The following CALD1 variants were observed in gnomAD, a reference collection of about 807,000 sequenced individuals.
CALD1 encodes caldesmon.
CALD1 carries 33 observed loss-of-function variants against 99.9 expected under a neutral mutation model. The observed-to-expected ratio is 0.33, with a 90% confidence interval of 0.25 to 0.44. The LOEUF is 0.44. Ranked by LOEUF, CALD1 falls within the 20% of genes least tolerant of loss-of-function variation. The probability of loss-of-function intolerance (pLI) is 1.00; values close to 1 mark genes in which losing one functional copy is unlikely to be tolerated. For synonymous variants in CALD1, 310 were observed against 325.0 expected, an observed-to-expected ratio of 0.95 and a Z score of 0.50; for missense variants, 861 against 962.1, an observed-to-expected ratio of 0.89 and a Z score of 1.39.
chr7:134,800,967 T>C (rs1797920659), intron 1 of CALD1, among the ~76,000 whole-genome samples: 1 of 152,058 alleles, frequency 6.6e-6, no homozygotes, highest in South Asian at 2.1e-4. Flanking sequence ...CATAGGAGCA[T>C]ATTATTTGAA....
Position 134,960,021 on chromosome 7 carries a change from T to C in CALD1, c.2109T>C (p.Pro703=). 6.2e-7 allele frequency: 1 copy of C among 1,614,208 alleles called. No individual in the cohort carries two copies. The highest frequency in any genetic ancestry group is 1.6e-4 in the Middle Eastern group (1 of 6,062). The part of the protein sequence containing the change: ...KPTKPAASDL[P]VPAEGVRNIK... ...CAAAGCCGGCAGCCTCGGATCTTCCTGTTCCTGCTGAAGGTGTACGCAACA... is the reference window on the plus strand; with the variant it reads ...CAAAGCCGGCAGCCTCGGATCTTCCCGTTCCTGCTGAAGGTGTACGCAACA... The change falls in exon 12 of 15, where the codon CCT becomes CCC. Residue 703 remains proline (P), a synonymous_variant. Transcript: ENST00000361675.
chr7:134,949,739 T>C (rs1807186449), intron 8 of CALD1, among the ~76,000 whole-genome samples: 2 of 152,166 alleles, frequency 1.3e-5, no homozygotes, highest in Admixed American at 6.5e-5. Flanking sequence ...TCATTGTTAA[T>C]GACCCACAGG....
intron 1 of CALD1, among the ~76,000 whole-genome samples, chr7:134,813,082 TATTA>T (rs777815553): frequency 6.6e-6 from 1 of 152,196 alleles, no homozygotes; most frequent in African/African-American, 2.4e-5. Context: ...AACGCTCATG[TATTA>T]ATTAAGATGA....
intron 1 of CALD1, among the ~76,000 whole-genome samples, chr7:134,790,319 G>A (rs1463640319): frequency 6.6e-6 from 1 of 152,100 alleles, no homozygotes; most frequent in African/African-American, 2.4e-5. Flanking sequence ...TATGTGACAG[G>A]CACTGTTCTG....
chr7:134,753,452 G>A (rs1022824629), intron 1 of CALD1, among the ~76,000 whole-genome samples: 1 of 152,212 alleles, frequency 6.6e-6, no homozygotes, highest in African/African-American at 2.4e-5. Flanking sequence ...CCAGGGCAAT[G>A]CATCTGAGTC....
intron 3 of CALD1, among the ~76,000 whole-genome samples, chr7:134,909,695 A>T (rs1033738560): frequency 6.6e-6 from 1 of 152,182 alleles, no homozygotes; most frequent in Non-Finnish European, 1.5e-5. Flanking sequence ...CAGTCTCAAA[A>T]AAAAAGGAAC....
chr7:134,742,590 G>A (rs941528970), upstream of CALD1, among the ~76,000 whole-genome samples: 1 of 152,200 alleles, frequency 6.6e-6, no homozygotes, highest in Non-Finnish European at 1.5e-5. Context: ...CCCCAGGGCT[G>A]GAAGGTGAAG....
At chr7:134,747,745 C>T (rs1228758173) in intron 1 of CALD1, among the ~76,000 whole-genome samples, 5 of 152,232 alleles carry the variant, frequency 3.3e-5, no homozygotes, top group Admixed American at 6.5e-5. Flanking sequence ...GGGGGCATGG[C>T]TGCCTCTACC....
At position 134,862,630 on chromosome 7, in the gene CALD1, A is replaced by C. The variant is rs180780703; in HGVS notation, c.-41-5063A>C. Among the ~76,000 whole-genome samples the C allele has an allele frequency of 5.4e-3, 823 of 152,314 alleles. 5 individuals are homozygous for C. The highest frequency in any genetic ancestry group is 8.7e-3 in the Non-Finnish European group (595 of 68,020). ...TTTTAGGGCAGTGAAGCTATTCTGT[A>C]TGATGCTACTATGGTGAATACATGA... On this transcript the variant is annotated intron_variant, in intron 2 of 14. Transcript: ENST00000361675.
At chr7:134,749,475 T>G (rs1227945115) in intron 1 of CALD1, among the ~76,000 whole-genome samples, 1 of 152,242 alleles carries the variant, frequency 6.6e-6, no homozygotes, top group East Asian at 1.9e-4. Context: ...CAAAATTAGC[T>G]GGGCATGATG....
chr7:134,728,709 T>G, the CALD1 span, among the ~76,000 whole-genome samples: 1 of 152,190 alleles, frequency 6.6e-6, no homozygotes, highest in Non-Finnish European at 1.5e-5. Context: ...AACAGCTGCA[T>G]TTGGGATGGA....
intron 1 of CALD1, among the ~76,000 whole-genome samples, chr7:134,769,779 A>G (rs1431863228): frequency 6.6e-6 from 1 of 152,174 alleles, no homozygotes; most frequent in Non-Finnish European, 1.5e-5. Flanking sequence ...CTGGGATTAC[A>G]GGCATGCGCC....
the CALD1 span, among the ~76,000 whole-genome samples, chr7:134,711,660 C>CTCTCTCTCTATATATATATATATA: frequency 2.6e-5 from 2 of 78,348 alleles, no homozygotes; most frequent in African/African-American, 1.2e-4. Flanking sequence ...CTCTCTCTCT[C>CTCTCTCTCTATATATATATATATA]TATATATATA....
intron 2 of CALD1, among the ~76,000 whole-genome samples, chr7:134,852,533 T>C (rs1345501854): frequency 1.3e-5 from 2 of 152,132 alleles, no homozygotes; most frequent in East Asian, 3.9e-4. Flanking sequence ...CACCAGCCTT[T>C]CCCAGCACAT....
intron 3 of CALD1, among the ~76,000 whole-genome samples, chr7:134,873,267 T>A (rs1037898468): frequency 3.9e-5 from 6 of 152,190 alleles, no homozygotes. Flanking sequence ...TTCTTTTATT[T>A]CAATCCCTCT....
At position 134,928,746 on chromosome 7, in the gene CALD1, T is replaced by A; in HGVS notation, c.72-8T>A. ...CACGCTCAAGAGGTTGTCTTTGTAA[T>A]GTTGCAGAATCGCCTACCAGAGGAA... is the stretch of plus-strand genomic sequence containing the variant. On this transcript the variant is annotated splice_polypyrimidine_tract_variant and splice_region_variant and intron_variant, in intron 3 of 14. Transcript: ENST00000361675. 1 of 1,612,660 alleles carries A rather than the reference T, an allele frequency of 6.2e-7. No individual in the cohort carries two copies. Among genetic ancestry groups the A allele is most frequent in the Non-Finnish European group, 8.5e-7 (1 of 1,179,350 alleles).
chr7:134,805,711 C>T (rs17169635), intron 1 of CALD1, among the ~76,000 whole-genome samples: 91,510 of 144,680 alleles, frequency 0.63, 28,015 homozygotes, highest in East Asian at 0.92. Flanking sequence ...GGCCAGTTAT[C>T]TTTCTTCCCA....
chr7:134,777,224 T>C (rs935353201), upstream of CALD1, among the ~76,000 whole-genome samples: 27 of 152,184 alleles, frequency 1.8e-4, no homozygotes, highest in Non-Finnish European at 2.6e-4. Context: ...AGAAGAATTT[T>C]TCAATATCAT....
At chr7:134,912,079 G>C (rs556095605) in intron 3 of CALD1, among the ~76,000 whole-genome samples, 1 of 152,248 alleles carries the variant, frequency 6.6e-6, no homozygotes, top group Non-Finnish European at 1.5e-5. Context: ...GAGAGCAAGA[G>C]AGTATAAAAT....
Sources: gnomAD v4.1 joint callset for allele counts (sites outside exome capture counted in the v4.1 genomes callset) on GRCh38, gnomAD v4.1.1 for gene constraint, MANE v1.5 for transcripts, NCBI Gene and HGNC (gene_info 2026-07-23, HGNC 2026-07-21) for gene names.